The following ARHGAP26 variants were observed in gnomAD, a reference collection of about 807,000 sequenced individuals.
The protein encoded by ARHGAP26 is rho GTPase-activating protein 26.
In ARHGAP26, 38 loss-of-function variants were observed where a neutral mutation model predicts 104.8. The observed-to-expected ratio is 0.36, with a 90% confidence interval of 0.28 to 0.48. ARHGAP26 has a LOEUF of 0.48. Among genes scored for constraint, ARHGAP26 ranks in the 20% least tolerant of loss-of-function variants. The probability of loss-of-function intolerance (pLI) is 0.99; values close to 1 mark genes in which losing one functional copy is unlikely to be tolerated. For synonymous variants in ARHGAP26, 341 were observed against 340.0 expected, an observed-to-expected ratio of 1.00 and a Z score of -0.03; for missense variants, 704 against 947.9, an observed-to-expected ratio of 0.74 and a Z score of 3.38.
At position 143,221,852 on chromosome 5, in the gene ARHGAP26, T is replaced by C. The variant is rs963024046; in HGVS notation, c.2192-506T>C. Among the ~76,000 whole-genome samples, 7 of 152,184 alleles carry C rather than the reference T, an allele frequency of 4.6e-5. No individual in the cohort carries two copies. In the East Asian group the frequency reaches 7.7e-4, roughly 17 times the overall value. ...GAAGCTGGATATCTTTAAAGAGTAG[T>C]TCTTAGCAGTCTTCCATGGGCACTG... On this transcript the variant is annotated intron_variant, in intron 22 of 22. Transcript: ENST00000645722.
chr5:143,057,363 C>T (rs1303222639), intron 16 of ARHGAP26, among the ~76,000 whole-genome samples: 1 of 152,162 alleles, frequency 6.6e-6, no homozygotes, highest in Non-Finnish European at 1.5e-5. Flanking sequence ...AGGAGCAGCT[C>T]TGGGTGTGCA....
At chr5:142,932,520 G>A (rs147766528) in intron 11 of ARHGAP26, among the ~76,000 whole-genome samples, 1 of 152,344 alleles carries the variant, frequency 6.6e-6, no homozygotes, top group East Asian at 1.9e-4. Context: ...TCAGCTGGGT[G>A]ATGTAATCTT....
chr5:142,842,748 C>T (rs1311770169), intron 1 of ARHGAP26, among the ~76,000 whole-genome samples: 1 of 152,092 alleles, frequency 6.6e-6, no homozygotes, highest in Admixed American at 6.5e-5. Context: ...ATGGAAATTC[C>T]CTCAACATTT....
chr5:143,139,935 G>T (rs1300860551), intron 19 of ARHGAP26, among the ~76,000 whole-genome samples: 1 of 152,218 alleles, frequency 6.6e-6, no homozygotes, highest in Non-Finnish European at 1.5e-5. Flanking sequence ...GTACCTTATA[G>T]ATTTCTTCCA....
chr5:143,168,474 T>TTTTTTTTTTTC (rs1802342962), intron 20 of ARHGAP26: 1 of 142,476 alleles, frequency 7.0e-6, no homozygotes, highest in East Asian at 2.0e-4. Context: ...TTTTTTTTTT[T>TTTTTTTTTTTC]TTGCTCAAAT....
intron 1 of ARHGAP26, among the ~76,000 whole-genome samples, chr5:142,830,475 G>A (rs566027583): frequency 6.6e-6 from 1 of 152,298 alleles, no homozygotes; most frequent in Non-Finnish European, 1.5e-5. Flanking sequence ...GTTTCTGACA[G>A]TACGTTATGG....
At chr5:142,882,245 G>A (rs925042259) in intron 4 of ARHGAP26, among the ~76,000 whole-genome samples, 2 of 152,162 alleles carry the variant, frequency 1.3e-5, no homozygotes, top group East Asian at 1.9e-4. Context: ...TAAAATGGGG[G>A]TAATAATAAA....
chr5:142,890,149 AAAATATATAT>A (rs1396897855), intron 5 of ARHGAP26, among the ~76,000 whole-genome samples: 8 of 66,708 alleles, frequency 1.2e-4, no homozygotes, highest in Admixed American at 6.3e-4. Context: ...AAAAAAAAAA[AAAATATATAT>A]ATATATATAT....
At chr5:142,952,141 T>TA (rs1210302604) in intron 11 of ARHGAP26, among the ~76,000 whole-genome samples, 1 of 152,230 alleles carries the variant, frequency 6.6e-6, no homozygotes, top group Non-Finnish European at 1.5e-5. Flanking sequence ...AGGATTATCT[T>TA]ACCTCCAGAT....
intron 20 of ARHGAP26, among the ~76,000 whole-genome samples, chr5:143,163,917 A>G (rs1364789269): frequency 1.3e-5 from 2 of 152,164 alleles, no homozygotes; most frequent in Non-Finnish European, 2.9e-5. Context: ...GACTATAAGA[A>G]TGACATAGAA....
intron 11 of ARHGAP26, among the ~76,000 whole-genome samples, chr5:142,942,735 G>A (rs1766544938): frequency 6.6e-6 from 1 of 152,182 alleles, no homozygotes; most frequent in Non-Finnish European, 1.5e-5. Flanking sequence ...GGGACTATTT[G>A]ATTAATGTCT....
In ARHGAP26 at chr5:142,894,365, G is replaced by T. The variant is rs766736872; in HGVS notation, c.597+17G>T. 6.2e-7 allele frequency: 1 copy of T among 1,602,346 alleles called. No individual in the cohort carries two copies. The highest frequency in any genetic ancestry group is 8.5e-7 in the Non-Finnish European group (1 of 1,169,858). On this transcript the variant is annotated intron_variant, in intron 6 of 22. Transcript: ENST00000645722. Reference sequence around the variant, plus strand: ...GTGGAGCCTGTAAGTAGATATTCAGGGTTTAATGATGTACCCATATATTCA... The same window carrying T: ...GTGGAGCCTGTAAGTAGATATTCAGTGTTTAATGATGTACCCATATATTCA...
At chr5:142,844,854 CAAAA>C (rs550211748) in intron 1 of ARHGAP26, among the ~76,000 whole-genome samples, 4 of 80,598 alleles carry the variant, frequency 5.0e-5, no homozygotes, top group African/African-American at 9.5e-5. Context: ...GACTGCGTCT[CAAAA>C]AAAAAAAAAA....
At chr5:142,820,087 T>C (rs1765819310) in intron 1 of ARHGAP26, among the ~76,000 whole-genome samples, 1 of 152,236 alleles carries the variant, frequency 6.6e-6, no homozygotes, top group Non-Finnish European at 1.5e-5. Flanking sequence ...GGTTCCAATT[T>C]CCTTCCCCAG....
At chr5:143,044,161 G>A (rs918931006) in intron 14 of ARHGAP26, among the ~76,000 whole-genome samples, 2 of 152,086 alleles carry the variant, frequency 1.3e-5, no homozygotes, top group African/African-American at 4.8e-5. Flanking sequence ...ACACAAAAGT[G>A]TCAAGAAGAC....
chr5:142,963,179 T>TATATAC (rs1598406876), intron 11 of ARHGAP26, among the ~76,000 whole-genome samples: 1 of 104,126 alleles, frequency 9.6e-6, no homozygotes, highest in East Asian at 5.4e-4. Context: ...TATGTATATA[T>TATATAC]ATATATATAT....
At chr5:142,928,234 T>TG (rs1562096566) in intron 10 of ARHGAP26, among the ~76,000 whole-genome samples, 1 of 121,938 alleles carries the variant, frequency 8.2e-6, no homozygotes, top group East Asian at 4.0e-4. Context: ...TGTGTGTGTT[T>TG]TTTTTTTTTT....
At chr5:143,139,876 T>TGTA (rs1255751566) in intron 19 of ARHGAP26, among the ~76,000 whole-genome samples, 1 of 152,188 alleles carries the variant, frequency 6.6e-6, no homozygotes, top group Non-Finnish European at 1.5e-5. Flanking sequence ...TCTGGACGAC[T>TGTA]GTAGAAGGGG....
intron 11 of ARHGAP26, among the ~76,000 whole-genome samples, chr5:142,966,738 T>A (rs1771411871): frequency 6.6e-6 from 1 of 152,234 alleles, no homozygotes; most frequent in Non-Finnish European, 1.5e-5. Flanking sequence ...AAATGTTTTA[T>A]TTTACTTTAA....
Sources: gnomAD v4.1 joint callset for allele counts (sites outside exome capture counted in the v4.1 genomes callset) on GRCh38, gnomAD v4.1.1 for gene constraint, MANE v1.5 for transcripts, NCBI Gene and HGNC (gene_info 2026-07-23, HGNC 2026-07-21) for gene names.